Variants in SPRYD7 observed in about 807,000 individuals in gnomAD.
The protein encoded by SPRYD7 is SPRY domain-containing protein 7.
In SPRYD7, 14 loss-of-function variants were observed where a neutral mutation model predicts 23.8. The ratio of observed to expected loss-of-function variants is 0.59; its 90% confidence interval spans 0.39 to 0.92. SPRYD7 has a LOEUF of 0.92. Ranked by LOEUF, SPRYD7 falls within the 40% of genes least tolerant of loss-of-function variation. The pLI, the probability that SPRYD7 is intolerant of heterozygous loss-of-function variation, is 0.00. For missense variants in SPRYD7, 194 were observed against 241.7 expected (o/e 0.80, Z 1.31); for synonymous variants, 75 against 84.9 (o/e 0.88, Z 0.64).
At chr13:49,928,514 A>G (rs966078118) in intron 2 of SPRYD7, among the ~76,000 whole-genome samples, 4 of 152,210 alleles carry the variant, frequency 2.6e-5, no homozygotes, top group African/African-American at 9.6e-5. Flanking sequence ...AGCCTAGGAG[A>G]TAAGAGAGTG....
intron 4 of SPRYD7, among the ~76,000 whole-genome samples, chr13:49,916,758 C>T (rs540597364): frequency 2.6e-5 from 4 of 152,242 alleles, no homozygotes; most frequent in East Asian, 1.9e-4. Flanking sequence ...TTTATAAGCA[C>T]TGAAGAGGGA....
chr13:49,922,222 G>A (rs1419971843), intron 3 of SPRYD7, among the ~76,000 whole-genome samples: 2 of 150,418 alleles, frequency 1.3e-5, no homozygotes, highest in South Asian at 2.1e-4. Context: ...AAAATTACTC[G>A]GTACACTATT....
chr13:49,925,344 A>G (rs1031814472), intron 3 of SPRYD7, among the ~76,000 whole-genome samples: 6 of 152,100 alleles, frequency 3.9e-5, no homozygotes, highest in African/African-American at 1.4e-4. Flanking sequence ...GTGAGCCGAG[A>G]TGGCACCACT....
intron 4 of SPRYD7, among the ~76,000 whole-genome samples, chr13:49,917,126 C>T (rs1410139646): frequency 6.6e-6 from 1 of 151,982 alleles, no homozygotes; most frequent in Non-Finnish European, 1.5e-5. Flanking sequence ...TTTTTTGAGA[C>T]AGAGTCTCGC....
At chr13:49,924,061 C>T (rs1470078870) in intron 3 of SPRYD7, among the ~76,000 whole-genome samples, 3 of 151,708 alleles carry the variant, frequency 2.0e-5, no homozygotes, top group African/African-American at 7.3e-5. Context: ...CGGCTCACTG[C>T]AACCTCCGCC....
intron 1 of SPRYD7, among the ~76,000 whole-genome samples, chr13:49,932,658 T>C (rs1216725437): frequency 2.0e-5 from 3 of 152,194 alleles, no homozygotes; most frequent in Non-Finnish European, 2.9e-5. Flanking sequence ...ATTCGAACTG[T>C]ATGGGACTCT....
chr13:49,917,992 T>G (rs1325572172), intron 4 of SPRYD7, among the ~76,000 whole-genome samples: 1 of 152,200 alleles, frequency 6.6e-6, no homozygotes, highest in Non-Finnish European at 1.5e-5. Flanking sequence ...ATTATTTATA[T>G]TTGTTATTGT....
At position 49,915,015 on chromosome 13, in the gene SPRYD7, G is replaced by T. The variant is rs1195167312; in HGVS notation, c.*48C>A. On this transcript the variant is annotated 3_prime_UTR_variant, in exon 5 of 5. Transcript: ENST00000361840. ...GCCAGGTAAAGTTTTATTAAATGAT[G>T]AACATTTTTTAACAGTGCAGAAATA... is the stretch of plus-strand genomic sequence containing the variant. 7 of 1,069,174 alleles carry T rather than the reference G, an allele frequency of 6.5e-6. No homozygotes were observed. The highest frequency in any genetic ancestry group is 8.2e-6 in the Non-Finnish European group (6 of 733,764). The allele number at this position is 1,069,174 out of a possible 1,614,324, so 66.2% of individuals were successfully genotyped here.
chr13:49,928,576 T>A (rs185157015), intron 2 of SPRYD7, among the ~76,000 whole-genome samples: 1 of 152,352 alleles, frequency 6.6e-6, no homozygotes, highest in African/African-American at 2.4e-5. Flanking sequence ...CTACATCATC[T>A]TGCGCAAATT....
intron 4 of SPRYD7, among the ~76,000 whole-genome samples, chr13:49,918,157 G>A (rs1001375585): frequency 3.9e-5 from 6 of 152,024 alleles, no homozygotes; most frequent in South Asian, 2.1e-4. Flanking sequence ...TGACCTCCCC[G>A]GCTCAAGAGA....
At position 49,921,463 on chromosome 13, in the gene SPRYD7, A is replaced by T; in HGVS notation, c.493+15T>A. 6.6e-7 allele frequency: 1 copy of T among 1,509,504 alleles called. No homozygotes were observed. Among genetic ancestry groups the T allele is most frequent in the Non-Finnish European group, 9.2e-7 (1 of 1,085,576 alleles). 93.5% of individuals were successfully genotyped at this position (1,509,504 alleles called of 1,614,324 possible). ...AATATGTATGTAATAATACATTAGA[A>T]ATATTTTTGCTTACCATAAACAACT... is the stretch of plus-strand genomic sequence containing the variant. On this transcript the variant is annotated intron_variant, in intron 4 of 4. Transcript: ENST00000361840.
intron 3 of SPRYD7, among the ~76,000 whole-genome samples, chr13:49,926,539 T>A (rs1955883871): frequency 6.6e-6 from 1 of 152,212 alleles, no homozygotes; most frequent in Non-Finnish European, 1.5e-5. Context: ...CTTATGCCTT[T>A]CATCTCCTTT....
chr13:49,931,169 G>C (rs769287579), intron 1 of SPRYD7, 35 bp from the exon 2 acceptor site: 1 of 1,383,174 alleles, frequency 7.2e-7, no homozygotes, highest in Non-Finnish European at 1.0e-6. Context: ...GTAAAGTTTT[G>C]TATTTTCTTT....
At chr13:49,915,190 T>C (rs766813695) in intron 4 of SPRYD7, 30 bp from the exon 5 acceptor site, 11 of 1,118,548 alleles carry the variant, frequency 9.8e-6, no homozygotes, top group Non-Finnish European at 1.4e-5. Flanking sequence ...AGAAAATAAA[T>C]TAGAAGCAAA....
chr13:49,933,512 G>T (rs961364071), intron 1 of SPRYD7, among the ~76,000 whole-genome samples: 2 of 150,248 alleles, frequency 1.3e-5, no homozygotes, highest in Admixed American at 1.3e-4. Flanking sequence ...TGAGACAGGA[G>T]AATTAATTGA....
At chr13:49,935,605 G>T (rs1166749988) in intron 1 of SPRYD7, 2 of 152,260 alleles carry the variant, frequency 1.3e-5, no homozygotes, top group South Asian at 2.1e-4. Context: ...AGTTGAAATG[G>T]CAAGTTCTGA....
At chr13:49,922,638 C>T (rs1307968129) in intron 3 of SPRYD7, among the ~76,000 whole-genome samples, 3 of 152,112 alleles carry the variant, frequency 2.0e-5, no homozygotes, top group African/African-American at 7.2e-5. Flanking sequence ...ATCACCATAT[C>T]TCTCTTTAAA....
At chr13:49,933,616 G>GA (rs111981291) in intron 1 of SPRYD7, among the ~76,000 whole-genome samples, 10 of 142,914 alleles carry the variant, frequency 7.0e-5, no homozygotes, top group Admixed American at 1.4e-4. Flanking sequence ...AAAAAAAAAA[G>GA]AAAAAAAAAG....
chr13:49,924,825 A>T (rs1490375840), intron 3 of SPRYD7, among the ~76,000 whole-genome samples: 2 of 151,254 alleles, frequency 1.3e-5, no homozygotes, highest in East Asian at 4.0e-4. Context: ...AACACAAAAA[A>T]ATTAGCTGGG....
Sources: gnomAD v4.1 joint callset for allele counts (sites outside exome capture counted in the v4.1 genomes callset) on GRCh38, gnomAD v4.1.1 for gene constraint, MANE v1.5 for transcripts, NCBI Gene and HGNC (gene_info 2026-07-23, HGNC 2026-07-21) for gene names.